Variants in CHD6 observed in about 807,000 individuals in gnomAD.
CHD6 encodes ATP-dependent chromatin remodeler CHD6.
CHD6 carries 50 observed loss-of-function variants against 276.9 expected under a neutral mutation model. That is an observed-to-expected ratio of 0.18 (90% confidence interval 0.14 to 0.23). The LOEUF is 0.23. Among genes scored for constraint, CHD6 ranks in the 10% least tolerant of loss-of-function variants. The pLI, the probability that CHD6 is intolerant of heterozygous loss-of-function variation, is 1.00. For missense variants in CHD6, 2,564 were observed against 3,365.8 expected (o/e 0.76, Z 5.89); for synonymous variants, 1,173 against 1,229.3 (o/e 0.95, Z 0.96).
chr20:41,464,519 T>C (rs563644730), intron 17 of CHD6, among the ~76,000 whole-genome samples: 13 of 152,338 alleles, frequency 8.5e-5, no homozygotes, highest in Admixed American at 5.9e-4. Context: ...GGCTTCATCC[T>C]GCCAGAGAAA....
At chr20:41,591,407 CATAT>C (rs962278198) in intron 1 of CHD6, among the ~76,000 whole-genome samples, 62 of 134,308 alleles carry the variant, frequency 4.6e-4, no homozygotes, top group African/African-American at 1.8e-3. Context: ...CACACACACA[CATAT>C]ATATATACAT....
intron 1 of CHD6, among the ~76,000 whole-genome samples, chr20:41,554,541 TCCG>T (rs1017266495): frequency 1.3e-5 from 2 of 151,434 alleles, no homozygotes; most frequent in African/African-American, 4.9e-5. Context: ...CCTGCGGCCT[TCCG>T]CAGTGTTTGT....
chr20:41,422,236 A>G (rs1404977138), intron 30 of CHD6, among the ~76,000 whole-genome samples, 157 bp from the exon 31 acceptor site: 3 of 152,188 alleles, frequency 2.0e-5, no homozygotes, highest in African/African-American at 7.2e-5. Context: ...GGAAACTGAA[A>G]AAGAATGGAA....
At chr20:41,417,485 A>C in intron 31 of CHD6, 136 bp from the exon 32 acceptor site, 1 of 713,032 alleles carries the variant, frequency 1.4e-6, no homozygotes, top group East Asian at 2.9e-5. Flanking sequence ...TGGAATATTA[A>C]TTATGATATC....
At chr20:41,512,070 T>C (rs1457857597) in intron 5 of CHD6, among the ~76,000 whole-genome samples, 2 of 152,060 alleles carry the variant, frequency 1.3e-5, no homozygotes, top group East Asian at 1.9e-4. Context: ...TGGGTTCAAG[T>C]GATTCTTGTG....
At chr20:41,594,752 C>T (rs2045700269) in intron 1 of CHD6, among the ~76,000 whole-genome samples, 1 of 152,200 alleles carries the variant, frequency 6.6e-6, no homozygotes, top group South Asian at 2.1e-4. Context: ...TAATGGACAG[C>T]CTCTCCCTTC....
rs530160834 is a variant in CHD6, at chr20:41,548,288, C to T, written c.33+3017G>A. ...TAATATTAACTTTTAAATGAAAAATCCTGTTCTGTTCATCAAAATTACCAT... is the reference window on the plus strand; with the variant it reads ...TAATATTAACTTTTAAATGAAAAATTCTGTTCTGTTCATCAAAATTACCAT... On this transcript the variant is annotated intron_variant, in intron 2 of 36. Transcript: ENST00000373233. Among the ~76,000 whole-genome samples the T allele has an allele frequency of 2.0e-5, 3 of 152,248 alleles. No homozygotes were observed. The South Asian group carries it at 6.2e-4, about 32-fold the overall frequency.
intron 16 of CHD6, among the ~76,000 whole-genome samples, chr20:41,481,391 A>C (rs2043292034): frequency 6.6e-6 from 1 of 152,044 alleles, no homozygotes; most frequent in Admixed American, 6.5e-5. Flanking sequence ...AAAGTCAAAG[A>C]CCAAGAGAAA....
intron 8 of CHD6, among the ~76,000 whole-genome samples, chr20:41,495,023 A>C (rs1454620244): frequency 1.4e-5 from 2 of 144,560 alleles, no homozygotes; most frequent in Admixed American, 1.4e-4. Context: ...GCTCTTCAGC[A>C]ATCCCCTCCC....
intron 2 of CHD6, among the ~76,000 whole-genome samples, chr20:41,537,542 GA>G (rs1416513216): frequency 6.6e-6 from 1 of 152,150 alleles, no homozygotes; most frequent in Non-Finnish European, 1.5e-5. Context: ...CGCTGAGGAA[GA>G]AGTGCATAAA....
intron 34 of CHD6, chr20:41,414,274 C>T (rs1390860811): frequency 1.3e-5 from 2 of 152,186 alleles, no homozygotes; most frequent in Non-Finnish European, 2.9e-5. Flanking sequence ...GGTTTGGTTT[C>T]CTGCTTTGTC....
intron 2 of CHD6, among the ~76,000 whole-genome samples, chr20:41,550,570 CTCTTTGTTA>C (rs2045130277): frequency 6.6e-6 from 1 of 152,168 alleles, no homozygotes; most frequent in Admixed American, 6.5e-5. Flanking sequence ...CTCACCCAAC[CTCTTTGTTA>C]CAGAGTCCCA....
chr20:41,578,729 A>G (rs1167448411), intron 1 of CHD6, among the ~76,000 whole-genome samples: 1 of 151,452 alleles, frequency 6.6e-6, no homozygotes, highest in African/African-American at 2.4e-5. Context: ...GAAATTTTCT[A>G]TAATAAAAAA....
At chr20:41,591,940 A>C (rs2045666433) in intron 1 of CHD6, among the ~76,000 whole-genome samples, 1 of 152,136 alleles carries the variant, frequency 6.6e-6, no homozygotes, top group Admixed American at 6.5e-5. Flanking sequence ...TCTACTAAAA[A>C]TACAAAAAAT....
chr20:41,480,001 G>A (rs2043258596), intron 16 of CHD6, among the ~76,000 whole-genome samples: 1 of 152,204 alleles, frequency 6.6e-6, no homozygotes, highest in Non-Finnish European at 1.5e-5. Context: ...AAATTCTGTA[G>A]GGAAATGATT....
chr20:41,494,977 C>T (rs192967503), intron 8 of CHD6, among the ~76,000 whole-genome samples: 1 of 152,072 alleles, frequency 6.6e-6, no homozygotes. Flanking sequence ...GCTTCCTTTA[C>T]AGCAGCAATA....
At chr20:41,442,443 C>A (rs1477262683) in intron 25 of CHD6, among the ~76,000 whole-genome samples, 1 of 152,072 alleles carries the variant, frequency 6.6e-6, no homozygotes, top group Non-Finnish European at 1.5e-5. Context: ...CAGAGTGAGA[C>A]CCTGTCTCTT....
chr20:41,572,767 C>A lies in CHD6; in HGVS notation c.-23-21407G>T, dbSNP rs143556881. ...TGCCACCCAATGGGCTACAACCACA[C>A]CTTTACCAATTAAATCTGAACCCTA... is the stretch of plus-strand genomic sequence containing the variant. On this transcript the variant is annotated intron_variant, in intron 1 of 36. Transcript: ENST00000373233. Among the ~76,000 whole-genome samples, 33 of 152,288 alleles carry A rather than the reference C, an allele frequency of 2.2e-4. No homozygotes were observed. The East Asian group carries it at 5.0e-3, about 23-fold the overall frequency.
At chr20:41,603,338 T>C (rs1253768509) in intron 1 of CHD6, among the ~76,000 whole-genome samples, 1 of 152,054 alleles carries the variant, frequency 6.6e-6, no homozygotes, top group African/African-American at 2.4e-5. Context: ...TGAGACTCCA[T>C]CTCAGAAAAG....
Sources: gnomAD v4.1 joint callset for allele counts (sites outside exome capture counted in the v4.1 genomes callset) on GRCh38, gnomAD v4.1.1 for gene constraint, MANE v1.5 for transcripts, NCBI Gene and HGNC (gene_info 2026-07-23, HGNC 2026-07-21) for gene names.